CNTN6: variants seen among roughly 807,000 people sequenced by gnomAD.
CNTN6 encodes the protein contactin 6.
Under a neutral mutation model 122.8 loss-of-function variants are expected in CNTN6, and 137 were observed. That is an observed-to-expected ratio of 1.12 (90% CI 0.97 to 1.29). The LOEUF (loss-of-function observed/expected upper bound fraction) is 1.29. Among genes scored for constraint, CNTN6 ranks in the 50% most tolerant of loss-of-function variants. The pLI is 0.00. For missense variants in CNTN6, 1,634 were observed against 1,223.4 expected, an observed-to-expected ratio of 1.34 and a Z score of -5.01; for synonymous variants, 570 against 426.0, an observed-to-expected ratio of 1.34 and a Z score of -4.16.
intron 4 of CNTN6, among the ~76,000 whole-genome samples, chr3:1,255,750 G>T (rs1477603955): frequency 6.6e-6 from 1 of 152,052 alleles, no homozygotes; most frequent in African/African-American, 2.4e-5. Flanking sequence ...ACAACCTACT[G>T]CAGCTTCAAA....
At chr3:1,364,679 G>T (rs145423623) in intron 12 of CNTN6, among the ~76,000 whole-genome samples, 1 of 152,010 alleles carries the variant, frequency 6.6e-6, no homozygotes, top group Non-Finnish European at 1.5e-5. Flanking sequence ...AGTGTTTAAA[G>T]AAATCACAAT....
At chr3:1,360,507 G>C (rs762248429) in intron 12 of CNTN6, among the ~76,000 whole-genome samples, 1 of 151,744 alleles carries the variant, frequency 6.6e-6, no homozygotes, top group African/African-American at 2.4e-5. Flanking sequence ...TGGTAGTCTA[G>C]TTTATGGTTA....
At chr3:1,293,449 T>C (rs1351334404) in intron 5 of CNTN6, among the ~76,000 whole-genome samples, 1 of 152,188 alleles carries the variant, frequency 6.6e-6, no homozygotes, top group African/African-American at 2.4e-5. Context: ...ACCTTTTACT[T>C]TTGGGAATTT....
chr3:1,288,704 T>G (rs887670139), intron 5 of CNTN6, among the ~76,000 whole-genome samples: 1 of 152,230 alleles, frequency 6.6e-6, no homozygotes, highest in Non-Finnish European at 1.5e-5. Context: ...CTCTTTCACA[T>G]GAGATATTTT....
At position 1,228,211 on chromosome 3, in the gene CNTN6, A is replaced by G. The variant is rs754970281; in HGVS notation, c.358+218A>G. On this transcript the variant is annotated intron_variant, in intron 4 of 22. Coordinates refer to ENST00000446702, the MANE Select transcript of CNTN6 (RefSeq NM_001289080.2). ...AAAAAACAGGGAAAAGATCAATGTT[A>G]TTATATTTTGTGAATTATTTTTAGA... 2.0e-4 allele frequency among the ~76,000 whole-genome samples: 31 copies of G among 152,194 alleles called. 1 individual carries two copies. Among genetic ancestry groups the G allele is most frequent in the Non-Finnish European group, 3.2e-4 (22 of 68,042 alleles).
intron 4 of CNTN6, among the ~76,000 whole-genome samples, chr3:1,262,599 A>G (rs917710745): frequency 1.3e-5 from 2 of 151,944 alleles, no homozygotes; most frequent in African/African-American, 2.4e-5. Flanking sequence ...TGAACACACA[A>G]TAATCATTGT....
chr3:1,251,224 A>G (rs73818514), intron 4 of CNTN6, among the ~76,000 whole-genome samples: 10,831 of 152,110 alleles, frequency 0.071, 771 homozygotes, highest in East Asian at 0.33. Context: ...CCACGCTGCT[A>G]AGATGACTCT....
Position 1,245,009 on chromosome 3 carries a change from T to A in CNTN6, c.358+17016T>A, listed in dbSNP as rs920564400. Among the ~76,000 whole-genome samples the A allele has an allele frequency of 1.1e-3, 167 of 149,586 alleles. 1 individual carries two copies. The highest frequency in any genetic ancestry group is 1.4e-3 in the African/African-American group (58 of 40,642). On this transcript the variant is annotated intron_variant, in intron 4 of 22. Coordinates refer to ENST00000446702, the MANE Select transcript of CNTN6 (RefSeq NM_001289080.2). ...AGGCTGTTTTTACTTCTTTTGTGGATCTTCAGTTACTTCAGGCCATCTGGA... is the reference window on the plus strand; with the variant it reads ...AGGCTGTTTTTACTTCTTTTGTGGAACTTCAGTTACTTCAGGCCATCTGGA...
At chr3:1,143,409 C>G in intron 1 of CNTN6, among the ~76,000 whole-genome samples, 1 of 152,082 alleles carries the variant, frequency 6.6e-6, no homozygotes, top group East Asian at 1.9e-4. Context: ...ATTTTTGAGA[C>G]TCTTTTTAGG....
At chr3:1,215,004 C>T (rs796892128) in intron 2 of CNTN6, among the ~76,000 whole-genome samples, 2 of 152,318 alleles carry the variant, frequency 1.3e-5, no homozygotes, top group African/African-American at 4.8e-5. Context: ...AGTGATCCTT[C>T]TGTCTTGATC....
intron 20 of CNTN6, among the ~76,000 whole-genome samples, chr3:1,386,589 T>C (rs1692978235): frequency 6.6e-6 from 1 of 152,206 alleles, no homozygotes; most frequent in Non-Finnish European, 1.5e-5. Context: ...ATCATCCGAC[T>C]TAGTTGTTCC....
intron 17 of CNTN6, among the ~76,000 whole-genome samples, chr3:1,377,526 T>C (rs1227558636): frequency 6.6e-6 from 1 of 152,218 alleles, no homozygotes; most frequent in African/African-American, 2.4e-5. Context: ...GTAGATTTTG[T>C]GGTCATTCTT....
chr3:1,196,499 C>T (rs749850416), intron 2 of CNTN6, among the ~76,000 whole-genome samples: 37 of 152,004 alleles, frequency 2.4e-4, no homozygotes, highest in Non-Finnish European at 4.1e-4. Flanking sequence ...CTGCTGTATG[C>T]TTGGTCTCTA....
chr3:1,140,894 T>C (rs543572940), intron 1 of CNTN6, among the ~76,000 whole-genome samples: 1 of 152,322 alleles, frequency 6.6e-6, no homozygotes, highest in African/African-American at 2.4e-5. Context: ...TGGCTGCCTA[T>C]TTTGAGAGCT....
Position 1,321,592 on chromosome 3 carries a change from T to C in CNTN6, c.762-58T>C, listed in dbSNP as rs1327327232. 2.8e-6 allele frequency: 4 copies of C among 1,421,756 alleles called. No homozygotes were observed. The African/African-American group carries it at 4.4e-5, about 16-fold the overall frequency. 88.1% of individuals were successfully genotyped at this position (1,421,756 alleles called of 1,614,324 possible). On this transcript the variant is annotated intron_variant, in intron 7 of 22. Transcript: ENST00000446702. ...GTTATTTGTATGGATGCTCTTCTTTTATTTTGCTGTCATAAAGATTAAACC... is the reference window on the plus strand; with the variant it reads ...GTTATTTGTATGGATGCTCTTCTTTCATTTTGCTGTCATAAAGATTAAACC...
At chr3:1,336,679 T>C (rs1368464369) in intron 11 of CNTN6, among the ~76,000 whole-genome samples, 1 of 152,146 alleles carries the variant, frequency 6.6e-6, no homozygotes, top group South Asian at 2.1e-4. Flanking sequence ...GGCAAATGCA[T>C]GTACCTTGTG....
At chr3:1,365,774 A>G (rs1003338558) in intron 12 of CNTN6, among the ~76,000 whole-genome samples, 4 of 152,166 alleles carry the variant, frequency 2.6e-5, no homozygotes, top group Admixed American at 6.6e-5. Context: ...AATATGTTAA[A>G]ATGTTTAAGA....
At chr3:1,223,422 C>G (rs533978279) in intron 3 of CNTN6, among the ~76,000 whole-genome samples, 25 of 152,240 alleles carry the variant, frequency 1.6e-4, no homozygotes, top group African/African-American at 5.5e-4. Flanking sequence ...TAAAAGCAAA[C>G]TTTTTGAAAG....
intron 2 of CNTN6, among the ~76,000 whole-genome samples, chr3:1,173,707 A>G (rs1042846119): frequency 2.0e-5 from 3 of 152,068 alleles, no homozygotes; most frequent in Admixed American, 1.3e-4. Flanking sequence ...AGAATCTTCA[A>G]TGACGTGAAA....
Sources: allele counts gnomAD v4.1 joint callset (sites outside exome capture counted in the v4.1 genomes callset), GRCh38; gene constraint gnomAD v4.1.1; transcripts MANE v1.5; gene names NCBI Gene and HGNC (gene_info 2026-07-23, HGNC 2026-07-21).